MYLK: variants seen among roughly 807,000 people sequenced by gnomAD.
MYLK encodes myosin light chain kinase, smooth muscle.
A neutral mutation model predicts 203.4 loss-of-function variants in MYLK; 106 were observed. That is an observed-to-expected ratio of 0.52 (90% CI 0.45 to 0.61). The LOEUF is 0.61. Among genes scored for constraint, MYLK ranks in the 20% least tolerant of loss-of-function variants. The pLI, the probability that MYLK is intolerant of heterozygous loss-of-function variation, is 0.00. For synonymous variants in MYLK, 867 were observed against 959.5 expected, an observed-to-expected ratio of 0.90 and a Z score of 1.78; for missense variants, 2,072 against 2,442.3, an observed-to-expected ratio of 0.85 and a Z score of 3.20.
Position 123,674,342 on chromosome 3 carries a change from G to A in MYLK, c.3653-7155C>T, listed in dbSNP as rs116466425. ...CTAGGCTTCTGGTCCCCTGTCCCCC[G>A]TCACATTTGTCACTCTGTGGCCAAA... is the stretch of plus-strand genomic sequence containing the variant. On this transcript the variant is annotated intron_variant, in intron 20 of 33. Coordinates refer to ENST00000360304, the MANE Select transcript of MYLK (RefSeq NM_053025.4). Among the ~76,000 whole-genome samples, 645 of 152,178 alleles carry A rather than the reference G, an allele frequency of 4.2e-3. 5 individuals carry two copies. Among genetic ancestry groups the A allele is most frequent in the African/African-American group, 0.015 (624 of 41,510 alleles).
rs749989754 is a variant in MYLK, at chr3:123,722,123, C to A, written c.1804+5G>T. The A allele has an allele frequency of 3.5e-5, 55 of 1,563,882 alleles. 1 individual carries two copies. The highest frequency in any genetic ancestry group is 1.7e-4 in the Middle Eastern group (1 of 6,010). On this transcript the variant is annotated splice_donor_5th_base_variant and intron_variant, in intron 13 of 33. Coordinates refer to ENST00000360304, the MANE Select transcript of MYLK (RefSeq NM_053025.4). ...GCTTCTACCCAGGTGCCCAGAGGCT[C>A]CTACCATGGACGGTGACCCAGGCGC...
At chr3:123,662,430 T>C (rs2059593223) in intron 23 of MYLK, among the ~76,000 whole-genome samples, 1 of 151,796 alleles carries the variant, frequency 6.6e-6, no homozygotes, top group South Asian at 2.1e-4. Context: ...AGTCAGGGAA[T>C]CACAGAATGT....
chr3:123,644,688 C>G (rs998335392), intron 27 of MYLK: 2 of 152,186 alleles, frequency 1.3e-5, no homozygotes, highest in African/African-American at 4.8e-5. Flanking sequence ...ACTAAGCAAC[C>G]TGTTCTAGAA....
At chr3:123,841,103 G>A (rs140190494) in intron 2 of MYLK, among the ~76,000 whole-genome samples, 177 of 152,158 alleles carry the variant, frequency 1.2e-3, no homozygotes, top group African/African-American at 3.8e-3. Flanking sequence ...AATAAAAGAG[G>A]AGCTTCTTAC....
Position 123,629,717 on chromosome 3 carries a change from C to T in MYLK, c.4962-91G>A. 7.2e-7 allele frequency: 1 copy of T among 1,389,434 alleles called. No homozygotes were observed. 86.1% of individuals were successfully genotyped at this position (1,389,434 alleles called of 1,614,324 possible). A position where few individuals can be genotyped will look rare whatever the true frequency, so the allele number is the denominator to read the frequency against. On this transcript the variant is annotated intron_variant, in intron 29 of 33. Transcript: ENST00000360304. The surrounding 1 kb of genome is among the most constrained non-coding windows in gnomAD (Gnocchi z 4.4). ...ACTGAGGTCAAAGGCGAGGGTCGGC[C>T]AGCCTCCCCACCCCCAAACTCATGC... is the stretch of plus-strand genomic sequence containing the variant.
chr3:123,708,662 T>G (rs1347197140), intron 15 of MYLK, 36 bp downstream of exon 15: 2 of 1,612,452 alleles, frequency 1.2e-6, no homozygotes, highest in South Asian at 1.1e-5. Flanking sequence ...TGCAGCAGCA[T>G]CTCCTTCCCA....
At chr3:123,756,824 T>C (rs1203349814) in intron 4 of MYLK, among the ~76,000 whole-genome samples, 1 of 152,102 alleles carries the variant, frequency 6.6e-6, no homozygotes, top group East Asian at 1.9e-4. Context: ...TAATTGGAGG[T>C]TGTATTCTTG....
chr3:123,632,835 T>C, intron 29 of MYLK, among the ~76,000 whole-genome samples: 2 of 150,234 alleles, frequency 1.3e-5, no homozygotes, highest in Middle Eastern at 3.2e-3. Flanking sequence ...GATGCGGTCT[T>C]GTTCTATTGC....
intron 2 of MYLK, among the ~76,000 whole-genome samples, chr3:123,845,543 T>G (rs867286162): frequency 6.6e-6 from 1 of 152,182 alleles, no homozygotes; most frequent in Non-Finnish European, 1.5e-5. Context: ...CAGGTTGGAG[T>G]GCAGTGGTGC....
chr3:123,688,829 G>A (rs1175387578), intron 19 of MYLK, among the ~76,000 whole-genome samples: 1 of 152,042 alleles, frequency 6.6e-6, no homozygotes, highest in Non-Finnish European at 1.5e-5. Flanking sequence ...CTTCCTCAGA[G>A]GGGCCTCAGT....
At chr3:123,738,150 T>C (rs1052318296) in intron 7 of MYLK, among the ~76,000 whole-genome samples, 8 of 152,100 alleles carry the variant, frequency 5.3e-5, no homozygotes, top group Middle Eastern at 3.4e-3. Flanking sequence ...ATTATTTCTA[T>C]CTCACCGATA....
chr3:123,615,949 T>G (rs961824323), intron 33 of MYLK, among the ~76,000 whole-genome samples: 1 of 152,224 alleles, frequency 6.6e-6, no homozygotes, highest in African/African-American at 2.4e-5. Context: ...ATGCCCAGCC[T>G]AAATTTTCAA....
intron 31 of MYLK, 171 bp from the exon 32 acceptor site, chr3:123,620,507 T>G: frequency 6.7e-7 from 1 of 1,493,708 alleles, no homozygotes; most frequent in Non-Finnish European, 8.9e-7. Flanking sequence ...CTTGCTCTGC[T>G]CAGCACTGTC....
chr3:123,783,177 T>G (rs542408813), intron 4 of MYLK, among the ~76,000 whole-genome samples: 1 of 152,282 alleles, frequency 6.6e-6, no homozygotes, highest in South Asian at 2.1e-4. Flanking sequence ...TTTCTTCTCC[T>G]TTAAGAGTTA....
In MYLK at chr3:123,733,057, GTGCCTT is replaced by G. The variant is rs769458226; in HGVS notation, c.1349_1354del (p.Glu450_Thr452delinsAla). The G allele has an allele frequency of 3.4e-5, 55 of 1,613,986 alleles. No individual in the cohort carries two copies. The highest frequency in any genetic ancestry group is 1.6e-4 in the Middle Eastern group (1 of 6,084). ...GCTGCCTTCCTGTCTCCTCACGGGG[GTGCCTT>G]CCAGGAACCAGGCCACTTCAGGCTT... On this transcript the variant is annotated inframe_deletion, in exon 11 of 34. Transcript: ENST00000360304.
At chr3:123,878,753 T>C (rs1291489006) in intron 1 of MYLK, among the ~76,000 whole-genome samples, 2 of 152,138 alleles carry the variant, frequency 1.3e-5, no homozygotes, top group Non-Finnish European at 2.9e-5. Context: ...AGTGGTATGA[T>C]CTCAGCTCAC....
chr3:123,857,104 C>T (rs1187807143), intron 2 of MYLK, among the ~76,000 whole-genome samples: 1 of 152,068 alleles, frequency 6.6e-6, no homozygotes, highest in African/African-American at 2.4e-5. Context: ...GAGATACCAT[C>T]TCACACCAGT....
intron 33 of MYLK, 151 bp from the exon 34 acceptor site, chr3:123,614,500 C>T: frequency 1.3e-6 from 1 of 795,272 alleles, no homozygotes; most frequent in Non-Finnish European, 2.1e-6. Flanking sequence ...TTGATATCTA[C>T]ATTAGAATAT....
chr3:123,811,647 T>A (rs1164891615), intron 3 of MYLK, among the ~76,000 whole-genome samples: 1 of 152,152 alleles, frequency 6.6e-6, no homozygotes, highest in East Asian at 1.9e-4. Flanking sequence ...TAGCATTTAT[T>A]GAGTGTTAGA....
Sources: allele counts gnomAD v4.1 joint callset (sites outside exome capture counted in the v4.1 genomes callset), GRCh38; gene constraint gnomAD v4.1.1; non-coding constraint Gnocchi (gnomAD v3.1); transcripts MANE v1.5; gene names NCBI Gene and HGNC (gene_info 2026-07-23, HGNC 2026-07-21).